The following SLC24A2 variants were observed in gnomAD, a reference collection of about 807,000 sequenced individuals.
SLC24A2 encodes the protein sodium/potassium/calcium exchanger 2.
Under a neutral mutation model 62.0 loss-of-function variants are expected in SLC24A2, and 36 were observed. The observed-to-expected ratio is 0.58, with a 90% CI of 0.44 to 0.77. SLC24A2 has a LOEUF of 0.77. Ranked by LOEUF, SLC24A2 falls within the 30% of genes least tolerant of loss-of-function variation. The pLI is 0.00. For missense variants in SLC24A2, 846 were observed against 817.9 expected (o/e 1.03, Z -0.42); for synonymous variants, 358 against 294.0 (o/e 1.22, Z -2.23).
At chr9:19,655,240 G>A (rs956188816) in intron 2 of SLC24A2, among the ~76,000 whole-genome samples, 8 of 152,214 alleles carry the variant, frequency 5.3e-5, no homozygotes, top group African/African-American at 1.9e-4. Context: ...TGTGAGAAGT[G>A]AGCTCATGAT....
chr9:19,856,249 G>C, the SLC24A2 span, among the ~76,000 whole-genome samples: 1 of 152,158 alleles, frequency 6.6e-6, no homozygotes, highest in Non-Finnish European at 1.5e-5. Flanking sequence ...GCTCAGTGAA[G>C]TTCATTATTA....
the SLC24A2 span, among the ~76,000 whole-genome samples, chr9:20,191,287 A>G: frequency 2.0e-5 from 3 of 151,972 alleles, no homozygotes; most frequent in East Asian, 1.9e-4. Flanking sequence ...TGTAGTTTAT[A>G]TACTTACTGT....
intron 2 of SLC24A2, among the ~76,000 whole-genome samples, chr9:19,736,165 T>A (rs1821503873): frequency 6.6e-6 from 1 of 152,150 alleles, no homozygotes; most frequent in Non-Finnish European, 1.5e-5. Flanking sequence ...TTATATGTTC[T>A]CTACAATTTT....
the SLC24A2 span, among the ~76,000 whole-genome samples, chr9:20,001,216 G>A: frequency 1.3e-5 from 2 of 152,206 alleles, no homozygotes; most frequent in East Asian, 1.9e-4. Flanking sequence ...ATCCAGCAAT[G>A]AGTGGGCTGA....
the SLC24A2 span, among the ~76,000 whole-genome samples, chr9:19,871,191 C>T: frequency 6.6e-6 from 1 of 152,074 alleles, no homozygotes; most frequent in African/African-American, 2.4e-5. Context: ...ACATGTAATT[C>T]CACTGCCTTC....
intron 8 of SLC24A2, among the ~76,000 whole-genome samples, chr9:19,531,052 T>TA (rs779372426): frequency 6.6e-6 from 1 of 152,014 alleles, no homozygotes; most frequent in African/African-American, 2.4e-5. Context: ...GTCAGAAAAT[T>TA]AAAAAAAGCA....
chr9:20,160,652 T>C, the SLC24A2 span, among the ~76,000 whole-genome samples: 8 of 151,300 alleles, frequency 5.3e-5, no homozygotes, highest in Non-Finnish European at 7.4e-5. Context: ...TAAAATATTC[T>C]ATTAAACAAC....
chr9:19,970,208 C>G, the SLC24A2 span, among the ~76,000 whole-genome samples: 3 of 152,076 alleles, frequency 2.0e-5, no homozygotes, highest in African/African-American at 4.8e-5. Flanking sequence ...TCTGATTTTC[C>G]CCTGAAAGTG....
At chr9:20,046,006 C>T in the SLC24A2 span, among the ~76,000 whole-genome samples, 1 of 152,178 alleles carries the variant, frequency 6.6e-6, no homozygotes, top group African/African-American at 2.4e-5. Flanking sequence ...CAGGTCTACT[C>T]ACCCCCAGGC....
At chr9:19,916,032 G>A in the SLC24A2 span, among the ~76,000 whole-genome samples, 1 of 152,042 alleles carries the variant, frequency 6.6e-6, no homozygotes, top group Non-Finnish European at 1.5e-5. Context: ...AGTTTTACAG[G>A]TTTAGCACTT....
At chr9:20,120,711 A>G in the SLC24A2 span, among the ~76,000 whole-genome samples, 19 of 151,452 alleles carry the variant, frequency 1.3e-4, no homozygotes, top group South Asian at 6.3e-4. Context: ...AAAGTTGGGG[A>G]AAAAAAAATA....
At chr9:19,955,648 C>G in the SLC24A2 span, among the ~76,000 whole-genome samples, 8 of 151,962 alleles carry the variant, frequency 5.3e-5, no homozygotes, top group Admixed American at 3.3e-4. Flanking sequence ...ATTTTCTTTC[C>G]TCAATAAGCT....
the SLC24A2 span, among the ~76,000 whole-genome samples, chr9:20,037,708 C>T: frequency 6.6e-6 from 1 of 152,216 alleles, no homozygotes; most frequent in African/African-American, 2.4e-5. Flanking sequence ...GGCATTTTTG[C>T]CTCCCAAGAA....
chr9:20,143,375 C>T, the SLC24A2 span, among the ~76,000 whole-genome samples: 16 of 152,150 alleles, frequency 1.1e-4, no homozygotes, highest in Non-Finnish European at 1.3e-4. Flanking sequence ...AAGTAATATG[C>T]TCAAATTGCC....
intron 2 of SLC24A2, among the ~76,000 whole-genome samples, chr9:19,667,970 T>C (rs957206023): frequency 9.9e-5 from 15 of 152,218 alleles, no homozygotes; most frequent in African/African-American, 2.9e-4. Context: ...CTTTTGTATC[T>C]TGACCTTCTT....
At chr9:19,998,275 A>G in the SLC24A2 span, among the ~76,000 whole-genome samples, 1 of 152,102 alleles carries the variant, frequency 6.6e-6, no homozygotes, top group Non-Finnish European at 1.5e-5. Flanking sequence ...TGGGTCTTCC[A>G]TTCAGACCCA....
chr9:19,636,234 T>C (rs1385281959), intron 2 of SLC24A2, among the ~76,000 whole-genome samples: 1 of 152,080 alleles, frequency 6.6e-6, no homozygotes, highest in Non-Finnish European at 1.5e-5. Flanking sequence ...TAAATACAAA[T>C]ACTATTTAGT....
chr9:19,858,695 A>G, the SLC24A2 span, among the ~76,000 whole-genome samples: 1 of 148,812 alleles, frequency 6.7e-6, no homozygotes, highest in East Asian at 1.9e-4. Flanking sequence ...GGCAAATGAC[A>G]TGAACAGATA....
the SLC24A2 span, among the ~76,000 whole-genome samples, chr9:20,302,989 T>A: frequency 6.6e-6 from 1 of 152,212 alleles, no homozygotes; most frequent in African/African-American, 2.4e-5. Flanking sequence ...CTCAATCTTG[T>A]TAGAGTATCT....
Sources: allele counts gnomAD v4.1 joint callset (sites outside exome capture counted in the v4.1 genomes callset), GRCh38; gene constraint gnomAD v4.1.1; transcripts MANE v1.5; gene names NCBI Gene and HGNC (gene_info 2026-07-23, HGNC 2026-07-21).